Variants in LRP1B observed in about 807,000 individuals in gnomAD.
The protein encoded by LRP1B is low-density lipoprotein receptor-related protein 1B.
In LRP1B, 217 loss-of-function variants were observed where a neutral mutation model predicts 556.6. The observed-to-expected ratio is 0.39, with a 90% CI of 0.35 to 0.44. The LOEUF is 0.44. Among genes scored for constraint, LRP1B ranks in the 20% least tolerant of loss-of-function variants. The pLI is 1.00. For synonymous variants in LRP1B, 2,047 were observed against 1,865.8 expected, an observed-to-expected ratio of 1.10 and a Z score of -2.50; for missense variants, 5,053 against 5,620.8, an observed-to-expected ratio of 0.90 and a Z score of 3.23.
At chr2:140,472,755 A>G (rs1687821301) in intron 60 of LRP1B, among the ~76,000 whole-genome samples, 1 of 152,084 alleles carries the variant, frequency 6.6e-6, no homozygotes, top group African/African-American at 2.4e-5. Context: ...TTGGGGAAAG[A>G]ATACCCAACT....
At chr2:140,802,024 T>C (rs1192180064) in intron 32 of LRP1B, among the ~76,000 whole-genome samples, 1 of 152,062 alleles carries the variant, frequency 6.6e-6, no homozygotes, top group Admixed American at 6.6e-5. Flanking sequence ...GGAAAAAAAC[T>C]GGCCCCAGTT....
At chr2:141,388,077 A>G (rs888467407) in intron 3 of LRP1B, among the ~76,000 whole-genome samples, 1 of 152,210 alleles carries the variant, frequency 6.6e-6, no homozygotes, top group Non-Finnish European at 1.5e-5. Context: ...AAATGAAGGG[A>G]AGAAACACAT....
At chr2:140,961,790 T>G (rs1696043850) in intron 18 of LRP1B, among the ~76,000 whole-genome samples, 1 of 152,128 alleles carries the variant, frequency 6.6e-6, no homozygotes, top group Non-Finnish European at 1.5e-5. Context: ...ACTTTAAAAC[T>G]TATAACTTAA....
At chr2:141,718,094 T>C (rs935966570) in intron 2 of LRP1B, among the ~76,000 whole-genome samples, 1 of 152,202 alleles carries the variant, frequency 6.6e-6, no homozygotes, top group East Asian at 1.9e-4. Context: ...AATCCAGCTA[T>C]GCATTTTTTT....
intron 43 of LRP1B, among the ~76,000 whole-genome samples, chr2:140,560,453 A>G (rs1680889301): frequency 1.3e-5 from 2 of 152,186 alleles, no homozygotes; most frequent in Non-Finnish European, 2.9e-5. Flanking sequence ...TCAAGGTTCT[A>G]TAGGAACTCT....
chr2:141,239,820 T>G (rs1162067619), intron 5 of LRP1B, among the ~76,000 whole-genome samples: 1 of 151,956 alleles, frequency 6.6e-6, no homozygotes, highest in Non-Finnish European at 1.5e-5. Context: ...TATCTAGTGA[T>G]GGGAAAAAGT....
chr2:141,355,462 C>T (rs1199492906), intron 3 of LRP1B, among the ~76,000 whole-genome samples: 1 of 151,994 alleles, frequency 6.6e-6, no homozygotes, highest in Non-Finnish European at 1.5e-5. Flanking sequence ...CAGTCAATCC[C>T]CACCTCCACC....
At chr2:140,973,062 A>G (rs1254514283) in intron 18 of LRP1B, among the ~76,000 whole-genome samples, 1 of 146,074 alleles carries the variant, frequency 6.8e-6, no homozygotes, top group East Asian at 2.0e-4. Context: ...TTATATATAT[A>G]TATATATATA....
intron 41 of LRP1B, among the ~76,000 whole-genome samples, chr2:140,611,913 C>G (rs575483367): frequency 6.6e-6 from 1 of 151,924 alleles, no homozygotes; most frequent in Non-Finnish European, 1.5e-5. Flanking sequence ...TAAATGCTCA[C>G]CTTATGAAAG....
chr2:141,211,312 A>G (rs532908503), intron 6 of LRP1B, among the ~76,000 whole-genome samples: 2 of 151,502 alleles, frequency 1.3e-5, no homozygotes, highest in African/African-American at 2.4e-5. Context: ...TTTAAAAAAA[A>G]AAAACAAAAC....
intron 86 of LRP1B, among the ~76,000 whole-genome samples, chr2:140,258,530 T>C (rs751658592): frequency 2.6e-4 from 40 of 152,298 alleles, no homozygotes; most frequent in Non-Finnish European, 4.7e-4. Flanking sequence ...AAAAATACTC[T>C]TTTTTATTGT....
chr2:140,644,943 A>C (rs930333217), intron 41 of LRP1B, among the ~76,000 whole-genome samples: 3 of 152,114 alleles, frequency 2.0e-5, no homozygotes, highest in Non-Finnish European at 4.4e-5. Context: ...TTTTTGATTT[A>C]AAAAATCTAA....
chr2:141,801,931 C>G (rs964784691), intron 2 of LRP1B, among the ~76,000 whole-genome samples: 8 of 151,952 alleles, frequency 5.3e-5, no homozygotes, highest in African/African-American at 1.9e-4. Context: ...TCTGGTAGGG[C>G]TGCCATAACA....
chr2:141,285,966 C>A (rs1283997249), intron 3 of LRP1B, among the ~76,000 whole-genome samples: 1 of 144,404 alleles, frequency 6.9e-6, no homozygotes, highest in African/African-American at 2.5e-5. Flanking sequence ...ACTTGGGAGG[C>A]TGAGGCAGGA....
intron 1 of LRP1B, among the ~76,000 whole-genome samples, chr2:141,977,212 T>C (rs929488069): frequency 6.6e-6 from 1 of 152,154 alleles, no homozygotes; most frequent in Non-Finnish European, 1.5e-5. Context: ...TTCTATCTTA[T>C]TATCCAGTAA....
chr2:142,097,422 A>G lies in LRP1B; in HGVS notation c.82+33226T>C, dbSNP rs567686795. Among the ~76,000 whole-genome samples, 1,346 of 151,786 alleles carry G rather than the reference A, an allele frequency of 8.9e-3. 69 individuals are homozygous for G. Among genetic ancestry groups the G allele is most frequent in the Admixed American group, 0.083 (1,254 of 15,176 alleles). On this transcript the variant is annotated intron_variant, in intron 1 of 90. Coordinates refer to ENST00000389484, the MANE Select transcript of LRP1B (RefSeq NM_018557.3). Reference sequence around the variant, plus strand: ...ATTTTATGATATAATACATGTGCAAAAAAAAGAAGCAACAGTTTACTTTTG... The same window carrying G: ...ATTTTATGATATAATACATGTGCAAGAAAAAGAAGCAACAGTTTACTTTTG...
At chr2:141,756,315 G>A (rs958797491) in intron 2 of LRP1B, among the ~76,000 whole-genome samples, 1 of 151,966 alleles carries the variant, frequency 6.6e-6, no homozygotes, top group African/African-American at 2.4e-5. Flanking sequence ...CCCAATAGAA[G>A]GGTTCTTGAC....
At chr2:141,452,534 A>T (rs1228161174) in intron 3 of LRP1B, among the ~76,000 whole-genome samples, 1 of 152,200 alleles carries the variant, frequency 6.6e-6, no homozygotes, top group Non-Finnish European at 1.5e-5. Context: ...CAAATGTAGT[A>T]TATCTTTTCA....
At chr2:141,167,521 C>T (rs1574146718) in intron 7 of LRP1B, among the ~76,000 whole-genome samples, 1 of 151,728 alleles carries the variant, frequency 6.6e-6, no homozygotes, top group South Asian at 2.1e-4. Flanking sequence ...TATTAAAGTA[C>T]TTATTAATCA....
Sources: gnomAD v4.1 joint callset for allele counts (sites outside exome capture counted in the v4.1 genomes callset) on GRCh38, gnomAD v4.1.1 for gene constraint, MANE v1.5 for transcripts, NCBI Gene and HGNC (gene_info 2026-07-23, HGNC 2026-07-21) for gene names.